EYS: variants seen among roughly 807,000 people sequenced by gnomAD.
EYS encodes EGF-like photoreceptor maintenance factor.
Under a neutral mutation model 282.1 loss-of-function variants are expected in EYS, and 250 were observed. That is an observed-to-expected ratio of 0.89 (90% CI 0.80 to 0.98). EYS has a LOEUF of 0.98. EYS is among the 50% of genes least tolerant of loss of function. The probability of loss-of-function intolerance (pLI) is 0.00; values close to 1 mark genes in which losing one functional copy is unlikely to be tolerated. For synonymous variants in EYS, 1,355 were observed against 1,282.9 expected (o/e 1.06, Z -1.20); for missense variants, 4,016 against 3,709.0 (o/e 1.08, Z -2.15).
chr6:65,039,626 T>C (rs1353058054), intron 13 of EYS, among the ~76,000 whole-genome samples: 1 of 151,606 alleles, frequency 6.6e-6, no homozygotes, highest in Non-Finnish European at 1.5e-5. Context: ...ATTTAATTTC[T>C]CTTCGCAATG....
intron 28 of EYS, among the ~76,000 whole-genome samples, chr6:64,397,540 T>A (rs1773418933): frequency 6.6e-6 from 1 of 152,048 alleles, no homozygotes; most frequent in African/African-American, 2.4e-5. Flanking sequence ...TAGGATTTTT[T>A]AATCTAAAAT....
Position 65,388,992 on chromosome 6 carries a change from C to T in EYS, c.1185-4492G>A, listed in dbSNP as rs149237769. On this transcript the variant is annotated intron_variant, in intron 7 of 42. Transcript: ENST00000503581. ...TTAAATATACATCCACAATCCAACCCCTTCTTATTATGCCCTCTCTCCAAT... is the reference window on the plus strand; with the variant it reads ...TTAAATATACATCCACAATCCAACCTCTTCTTATTATGCCCTCTCTCCAAT... Among the ~76,000 whole-genome samples, 846 of 152,108 alleles carry T rather than the reference C, an allele frequency of 5.6e-3. 9 individuals carry two copies. Among genetic ancestry groups the T allele is most frequent in the African/African-American group, 0.019 (771 of 41,534 alleles).
At chr6:63,785,785 G>T (rs1159272229) in intron 39 of EYS, among the ~76,000 whole-genome samples, 3 of 152,134 alleles carry the variant, frequency 2.0e-5, no homozygotes, top group Non-Finnish European at 4.4e-5. Flanking sequence ...GAGGCAGGCG[G>T]ATGGCTTGAG....
At chr6:65,106,419 T>C (rs9453182) in intron 12 of EYS, among the ~76,000 whole-genome samples, 38,647 of 151,934 alleles carry the variant, frequency 0.25, 5,379 homozygotes, top group South Asian at 0.33. Flanking sequence ...AGAAAACAGA[T>C]GTCTTAAATA....
At position 63,726,608 on chromosome 6, in the gene EYS, C is replaced by G. The variant is rs778420295; in HGVS notation, c.8144G>C (p.Arg2715Pro). ...CTGCAATTGAATATGTGTCTTTTTT[C>G]GAACATGAAAGGAAGCAAAAGACAT... ...SWMSFASFHVRKKTHIQLQFQ... is the reference protein window; with the variant it reads ...SWMSFASFHVPKKTHIQLQFQ... Residue 2715 changes from arginine (R) to proline (P), a missense_variant, in exon 42 of 43, where the codon CGA becomes CCA. Physicochemically the swap from Arg to Pro is moderately radical, Grantham distance 103. Coordinates refer to ENST00000503581, the MANE Select transcript of EYS (RefSeq NM_001142800.2). 3.9e-6 allele frequency: 6 copies of G among 1,550,862 alleles called. No homozygotes were observed. The highest frequency in any genetic ancestry group is 2.4e-5 in the East Asian group (1 of 40,848).
intron 31 of EYS, among the ~76,000 whole-genome samples, chr6:64,188,305 TTAA>T (rs1765005618): frequency 6.6e-6 from 1 of 152,082 alleles, no homozygotes. Flanking sequence ...ATTTATGAAC[TTAA>T]AAAACTAATA....
At chr6:64,147,074 A>G (rs1339777326) in intron 31 of EYS, among the ~76,000 whole-genome samples, 4 of 152,068 alleles carry the variant, frequency 2.6e-5, no homozygotes, top group Non-Finnish European at 5.9e-5. Context: ...TTCTAAGTCA[A>G]TGAGTCATCT....
intron 22 of EYS, among the ~76,000 whole-genome samples, chr6:64,806,521 C>G (rs764796934): frequency 6.6e-6 from 1 of 151,886 alleles, no homozygotes; most frequent in African/African-American, 2.4e-5. Flanking sequence ...TTCCTGCAAT[C>G]TTTTTAAAAA....
intron 33 of EYS, among the ~76,000 whole-genome samples, chr6:64,016,631 A>T (rs143616217): frequency 0.01 from 1,541 of 151,816 alleles, 24 homozygotes; most frequent in African/African-American, 0.036. Flanking sequence ...ATACATCACT[A>T]TGCCTGGCTA....
chr6:64,490,260 A>G (rs1776698305), intron 26 of EYS, among the ~76,000 whole-genome samples: 1 of 150,908 alleles, frequency 6.6e-6, no homozygotes. Flanking sequence ...TCAACAGTTA[A>G]TAAATATTGA....
intron 31 of EYS, among the ~76,000 whole-genome samples, chr6:64,187,738 G>A (rs1436893099): frequency 6.6e-6 from 1 of 152,010 alleles, no homozygotes; most frequent in Non-Finnish European, 1.5e-5. Flanking sequence ...GTTTCATTAA[G>A]AACTGCATAT....
chr6:64,779,188 C>T (rs1481944291), intron 22 of EYS, among the ~76,000 whole-genome samples: 1 of 152,058 alleles, frequency 6.6e-6, no homozygotes, highest in Non-Finnish European at 1.5e-5. Flanking sequence ...AAAAACCTGC[C>T]ACAAATATGT....
chr6:64,344,931 A>T (rs951291208), intron 29 of EYS, among the ~76,000 whole-genome samples: 1 of 152,274 alleles, frequency 6.6e-6, no homozygotes, highest in Admixed American at 6.5e-5. Context: ...CCAAATCATG[A>T]GTGAACTCCC....
intron 5 of EYS, among the ~76,000 whole-genome samples, chr6:65,424,620 T>C (rs1412708799): frequency 6.6e-6 from 1 of 152,034 alleles, no homozygotes; most frequent in Non-Finnish European, 1.5e-5. Flanking sequence ...ATTATATTTT[T>C]AAGAAGTGAG....
At chr6:64,600,244 T>C (rs534836956) in intron 24 of EYS, among the ~76,000 whole-genome samples, 13 of 49,350 alleles carry the variant, frequency 2.6e-4, no homozygotes, top group Admixed American at 1.9e-3. Flanking sequence ...TTCAACTGTA[T>C]GTCCAATTCT....
intron 12 of EYS, among the ~76,000 whole-genome samples, chr6:65,281,741 C>T (rs563622553): frequency 1.3e-5 from 2 of 152,198 alleles, no homozygotes; most frequent in African/African-American, 4.8e-5. Context: ...GGATTGAATA[C>T]TAATGACATT....
chr6:65,249,734 T>G (rs1346775129), intron 12 of EYS, among the ~76,000 whole-genome samples: 2 of 152,092 alleles, frequency 1.3e-5, no homozygotes, highest in East Asian at 3.9e-4. Context: ...CATATGCTGC[T>G]TCTGTCATAA....
Position 65,296,184 on chromosome 6 carries a change from TA to T in EYS, c.1767-66del. ...CTTTATTTTGATATATTTAAGTATT[TA>T]AATCACACATTTATTTAAAAACACA... On this transcript the variant is annotated intron_variant, in intron 11 of 42. Coordinates refer to ENST00000503581, the MANE Select transcript of EYS (RefSeq NM_001142800.2). 2.2e-6 allele frequency: 3 copies of T among 1,343,132 alleles called. No homozygotes were observed. The South Asian group carries it at 4.5e-5, about 20-fold the overall frequency. The allele number at this position is 1,343,132 out of a possible 1,614,324, so 83.2% of individuals were successfully genotyped here.
chr6:64,286,040 T>G (rs1049196018), intron 30 of EYS, among the ~76,000 whole-genome samples: 2 of 152,202 alleles, frequency 1.3e-5, no homozygotes, highest in Admixed American at 1.3e-4. Context: ...ACATATGTTA[T>G]ATTAGCAAGA....
Sources: gnomAD v4.1 joint callset for allele counts (sites outside exome capture counted in the v4.1 genomes callset) on GRCh38, gnomAD v4.1.1 for gene constraint, MANE v1.5 for transcripts, NCBI Gene and HGNC (gene_info 2026-07-23, HGNC 2026-07-21) for gene names.